The following RGR variants were observed in gnomAD, a reference collection of about 807,000 sequenced individuals.
RGR encodes RPE-retinal G protein-coupled receptor.
Under a neutral mutation model 28.6 loss-of-function variants are expected in RGR, and 30 were observed. The observed-to-expected ratio is 1.05, with a 90% CI of 0.78 to 1.42. RGR has a LOEUF of 1.42. RGR is among the 40% of genes most tolerant of loss of function. The probability of loss-of-function intolerance (pLI) is 0.00; values close to 1 mark genes in which losing one functional copy is unlikely to be tolerated. For missense variants in RGR, 404 were observed against 375.6 expected (o/e 1.08, Z -0.62); for synonymous variants, 180 against 156.4 (o/e 1.15, Z -1.13).
At position 84,247,680 on chromosome 10, in the gene RGR, A is replaced by G; in HGVS notation, c.169A>G (p.Ser57Gly). Residue 57 changes from serine (S) to glycine (G), a missense_variant, in exon 2 of 7, where the codon AGC becomes GGC. Physicochemically the swap from Ser to Gly is moderately conservative, Grantham distance 56 (BLOSUM62 0). Transcript: ENST00000652092. ...LRTPCHLLVL[S>G]LALADSGISL... ...GACTCCCTGCCACCTACTGGTGCTG[A>G]GCTTGGCTCTTGCGGACAGTGGGAT... The G allele has an allele frequency of 6.2e-7, 1 of 1,614,100 alleles. No homozygotes were observed. Among genetic ancestry groups the G allele is most frequent in the Non-Finnish European group, 8.5e-7 (1 of 1,180,016 alleles).
At chr10:84,256,056 TTTC>T (rs1385799628) in intron 5 of RGR, among the ~76,000 whole-genome samples, 17 of 96,076 alleles carry the variant, frequency 1.8e-4, no homozygotes, top group Admixed American at 3.3e-4. Context: ...TTTTTTTTCC[TTTC>T]TTTTTTTTTT....
chr10:84,249,754 C>T (rs1842792647), intron 3 of RGR, among the ~76,000 whole-genome samples: 1 of 152,248 alleles, frequency 6.6e-6, no homozygotes, highest in Admixed American at 6.5e-5. Context: ...GGCATGTGCC[C>T]TGGCACCCCA....
intron 1 of RGR, 118 bp from the exon 2 acceptor site, chr10:84,247,473 T>C (rs1842760510): frequency 1.6e-6 from 2 of 1,212,352 alleles, no homozygotes; most frequent in Non-Finnish European, 2.4e-6. Flanking sequence ...CTACCCTATA[T>C]TGATTGTCTT....
At chr10:84,246,402 T>C (rs1041013724) in intron 1 of RGR, among the ~76,000 whole-genome samples, 1 of 152,040 alleles carries the variant, frequency 6.6e-6, no homozygotes, top group Non-Finnish European at 1.5e-5. Context: ...CCCTTCTGAG[T>C]CTCCAGAGTC....
intron 4 of RGR, among the ~76,000 whole-genome samples, chr10:84,253,845 T>C (rs1842849657): frequency 6.6e-6 from 1 of 152,098 alleles, no homozygotes; most frequent in South Asian, 2.1e-4. Context: ...TGGGAATCTG[T>C]CTCCCTGGGA....
At chr10:84,250,238 T>C (rs1589331520) in intron 3 of RGR, 1 of 663,318 alleles carries the variant, frequency 1.5e-6, no homozygotes, top group Non-Finnish European at 2.8e-6. Flanking sequence ...GAGGCTGCTG[T>C]GAGGTCTATA....
chr10:84,254,348 A>G lies in RGR; in HGVS notation c.535A>G (p.Thr179Ala). 1 of 1,614,048 alleles carries G rather than the reference A, an allele frequency of 6.2e-7. No individual in the cohort carries two copies. The highest frequency in any genetic ancestry group is 8.5e-7 in the Non-Finnish European group (1 of 1,179,982). Residue 179 changes from threonine to alanine, a missense_variant, in exon 5 of 7, where the codon ACC becomes GCC. Thr to Ala is a moderately conservative substitution (Grantham distance 58). Coordinates refer to ENST00000652092, the MANE Select transcript of RGR (RefSeq NM_001012720.2). ...GDRNFTSFLF[T>A]MSFFNFAMPL... ...TAGAAACTTCACCAGCTTCCTCTTC[A>G]CCATGTCCTTCTTCAACTTCGCCAT...
At chr10:84,250,831 C>T (rs2132881366) in intron 3 of RGR, 1 of 163,242 alleles carries the variant, frequency 6.1e-6, no homozygotes, top group Middle Eastern at 2.8e-3. Flanking sequence ...TTGTTTGAAC[C>T]TGGAAGGCAG....
At chr10:84,246,410 G>T (rs891616925) in intron 1 of RGR, among the ~76,000 whole-genome samples, 3 of 151,954 alleles carry the variant, frequency 2.0e-5, no homozygotes, top group African/African-American at 7.3e-5. Context: ...AGTCTCCAGA[G>T]TCCATTGTGT....
chr10:84,255,098 C>T (rs4933995), intron 5 of RGR: 6,364 of 157,768 alleles, frequency 0.04, 189 homozygotes, highest in East Asian at 0.12. Context: ...TGCTATTCTC[C>T]TGCCTCAAGA....
At position 84,257,956 on chromosome 10, in the gene RGR, C is replaced by G; in HGVS notation, c.694C>G (p.Leu232Val). Residue 232 changes from leucine to valine, a missense_variant, in exon 6 of 7, where the codon CTA becomes GTA. Physicochemically the swap from Leu to Val is conservative, Grantham distance 32. Transcript: ENST00000652092. ...LGWGPYAILY[L>V]YAVIADVTSI... ...CTGGGGCCCCTATGCCATCCTGTAT[C>G]TATACGCAGTCATCGCAGACGTGAC... 6.2e-7 allele frequency: 1 copy of G among 1,614,214 alleles called. No homozygotes were observed. Among genetic ancestry groups the G allele is most frequent in the South Asian group, 1.1e-5 (1 of 91,084 alleles).
intron 3 of RGR, among the ~76,000 whole-genome samples, chr10:84,249,604 C>A (rs1842790739): frequency 6.6e-6 from 1 of 152,250 alleles, no homozygotes; most frequent in African/African-American, 2.4e-5. Context: ...AGCCACCGTA[C>A]CCGGCTGAGA....
Position 84,247,605 on chromosome 10 carries a change from A to G in RGR, c.94A>G (p.Ser32Gly). 3 of 1,614,050 alleles carry G rather than the reference A, an allele frequency of 1.9e-6. No homozygotes were observed. The highest frequency in any genetic ancestry group is 1.7e-6 in the Non-Finnish European group (2 of 1,180,014). The change falls in exon 2 of 7, where the codon AGC (serine) becomes GGC (glycine). Residue 32 changes from serine to glycine, a missense_variant. Ser to Gly is a moderately conservative substitution (Grantham distance 56, BLOSUM62 0). Coordinates refer to ENST00000652092, the MANE Select transcript of RGR (RefSeq NM_001012720.2). ...VLLVEALSGL[S>G]LNTLTIFSFC... is the part of the protein sequence containing the mutation. Reference sequence around the variant, plus strand: ...CTTCCTTTCAGCTCTCTCCGGTCTCAGCCTCAATACCCTGACCATCTTCTC... The same window carrying G: ...CTTCCTTTCAGCTCTCTCCGGTCTCGGCCTCAATACCCTGACCATCTTCTC...
At chr10:84,251,630 C>T (rs1290271815) in intron 3 of RGR, among the ~76,000 whole-genome samples, 1 of 152,298 alleles carries the variant, frequency 6.6e-6, no homozygotes, top group South Asian at 2.1e-4. Context: ...CTGCAACCTC[C>T]GCCTTCTGGG....
At chr10:84,256,985 T>G (rs736140) in intron 5 of RGR, among the ~76,000 whole-genome samples, 31,137 of 148,946 alleles carry the variant, frequency 0.21, 5,517 homozygotes, top group African/African-American at 0.49. Context: ...TGTTCGTGGG[T>G]TTTTTTTTCC....
At chr10:84,249,563 A>C (rs1842790284) in intron 3 of RGR, among the ~76,000 whole-genome samples, 1 of 152,214 alleles carries the variant, frequency 6.6e-6, no homozygotes, top group Non-Finnish European at 1.5e-5. Context: ...TACCCACCTC[A>C]GCCTCCCAAA....
chr10:84,250,121 G>T (rs1589331449), intron 3 of RGR, among the ~76,000 whole-genome samples: 1 of 152,170 alleles, frequency 6.6e-6, no homozygotes, highest in Non-Finnish European at 1.5e-5. Context: ...AGCCTCGGAA[G>T]CAGAGGCACA....
chr10:84,253,840 A>G (rs1842849611), intron 4 of RGR, among the ~76,000 whole-genome samples: 2 of 152,110 alleles, frequency 1.3e-5, no homozygotes, highest in South Asian at 4.2e-4. Flanking sequence ...GAAAATGGGA[A>G]TCTGTCTCCC....
In RGR at chr10:84,245,120, CTT is replaced by C; in HGVS notation, c.31_32del (p.Phe11ArgfsTer110). The C allele has an allele frequency of 6.2e-7, 1 of 1,613,496 alleles. No individual in the cohort carries two copies. Among genetic ancestry groups the C allele is most frequent in the Non-Finnish European group, 8.5e-7 (1 of 1,179,872 alleles). MAETSALPTG[F>X]GELEVLAVGM... is the part of the protein sequence containing the mutation. ...CAGAGACCAGTGCCCTGCCCACTGG[CTT>C]CGGGGAGCTCGAGGTGCTGGCTGTG... On this transcript the variant is annotated frameshift_variant, in exon 1 of 7. Coordinates refer to ENST00000652092, the MANE Select transcript of RGR (RefSeq NM_001012720.2). LOFTEE classifies it high-confidence loss of function.
Sources: gnomAD v4.1 joint callset for allele counts (sites outside exome capture counted in the v4.1 genomes callset) on GRCh38, gnomAD v4.1.1 for gene constraint, MANE v1.5 for transcripts, NCBI Gene and HGNC (gene_info 2026-07-23, HGNC 2026-07-21) for gene names.